GGTA1: variants seen among roughly 807,000 people sequenced by gnomAD.
The protein encoded by GGTA1 is glycoprotein alpha-galactosyltransferase 1 (inactive).
A neutral mutation model predicts 2.6 loss-of-function variants in GGTA1; 5 were observed. The ratio of observed to expected loss-of-function variants is 1.92; its 90% CI spans 1.00 to 4.04. The LOEUF (loss-of-function observed/expected upper bound fraction) is 4.04. Among genes scored for constraint, GGTA1 ranks in the 30% most tolerant of loss-of-function variants. GGTA1 has a pLI of 0.00. For missense variants in GGTA1, 50 were observed against 16.7 expected, an observed-to-expected ratio of 2.99 and a Z score of -3.47; for synonymous variants, 17 against 5.0, an observed-to-expected ratio of 3.38 and a Z score of -3.19.
chr9:121,486,801 A>G (rs1828764635), intron 1 of GGTA1, among the ~76,000 whole-genome samples: 1 of 152,248 alleles, frequency 6.6e-6, no homozygotes, highest in African/African-American at 2.4e-5. Flanking sequence ...GAATATGTCC[A>G]GCATGAGTAA....
At position 121,448,850 on chromosome 9, in the gene GGTA1, G is replaced by A. The variant is rs377557699; in HGVS notation, c.*119-1253C>T. On this transcript the variant is annotated intron_variant and NMD_transcript_variant, in intron 7 of 7. Coordinates refer to the GGTA1 transcript ENST00000481534. Reference sequence around the variant, plus strand: ...ACCCAACATCCATAGTTTACATTAGGGTTCACTCTTGGTGTGGTACATTCT... The same window carrying A: ...ACCCAACATCCATAGTTTACATTAGAGTTCACTCTTGGTGTGGTACATTCT... Among the ~76,000 whole-genome samples, 4 of 152,146 alleles carry A rather than the reference G, an allele frequency of 2.6e-5. No individual in the cohort carries two copies. In the South Asian group the frequency reaches 8.3e-4, roughly 32 times the overall value.
At chr9:121,475,261 C>T (rs1828483768) in intron 1 of GGTA1, among the ~76,000 whole-genome samples, 1 of 152,166 alleles carries the variant, frequency 6.6e-6, no homozygotes, top group African/African-American at 2.4e-5. Context: ...TTTACAAATA[C>T]CATGGCAATG....
rs148763372 is a variant in GGTA1 at position 121,459,343 on chromosome 9, A to T, written c.298+761T>A. On this transcript the variant is annotated intron_variant, in intron 5 of 5. Coordinates refer to ENST00000481799, the MANE Select transcript of GGTA1 (RefSeq NM_001382585.1). ...GTGGTGGCGCACACCAAGCCTCCTTACTCAGGAGGCTAAGCCTGGGAGGTC... is the reference window on the plus strand; with the variant it reads ...GTGGTGGCGCACACCAAGCCTCCTTTCTCAGGAGGCTAAGCCTGGGAGGTC... Among the ~76,000 whole-genome samples, 747 of 152,204 alleles carry T rather than the reference A, an allele frequency of 4.9e-3. 7 individuals are homozygous for T. Among genetic ancestry groups the T allele is most frequent in the African/African-American group, 0.017 (695 of 41,550 alleles).
intron 1 of GGTA1, among the ~76,000 whole-genome samples, chr9:121,498,190 C>G (rs1413927163): frequency 6.6e-6 from 1 of 152,238 alleles, no homozygotes; most frequent in Non-Finnish European, 1.5e-5. Flanking sequence ...TTCCCCTCCC[C>G]TACCATGGTG....
intron 5 of GGTA1, among the ~76,000 whole-genome samples, chr9:121,458,917 C>T (rs373448322): frequency 3.1e-4 from 47 of 152,252 alleles, no homozygotes; most frequent in South Asian, 1.9e-3. Context: ...CTGTCCCTGG[C>T]GGAGTCTCAT....
intron 1 of GGTA1, among the ~76,000 whole-genome samples, chr9:121,481,699 AAAAAG>A (rs1828655719): frequency 6.7e-6 from 1 of 150,150 alleles, no homozygotes; most frequent in Non-Finnish European, 1.5e-5. Flanking sequence ...AAAAAAAAAA[AAAAAG>A]AATAAAAAGT....
At chr9:121,448,703 CAG>C (rs1348368466) in intron 7 of GGTA1, among the ~76,000 whole-genome samples, 1 of 152,120 alleles carries the variant, frequency 6.6e-6, no homozygotes, top group Non-Finnish European at 1.5e-5. Context: ...GCCAAAAGTA[CAG>C]AGTTCTCATA....
At chr9:121,471,534 T>C (rs979002309) in intron 1 of GGTA1, among the ~76,000 whole-genome samples, 4 of 152,218 alleles carry the variant, frequency 2.6e-5, no homozygotes, top group African/African-American at 9.6e-5. Flanking sequence ...TCTCATATCT[T>C]ACAAACCCTT....
At chr9:121,487,102 G>A (rs1053497354) in intron 1 of GGTA1, among the ~76,000 whole-genome samples, 6 of 152,148 alleles carry the variant, frequency 3.9e-5, no homozygotes, top group South Asian at 2.1e-4. Flanking sequence ...CCAGGTTGTC[G>A]GGCACACAGA....
intron 1 of GGTA1, among the ~76,000 whole-genome samples, chr9:121,488,536 G>A (rs549034313): frequency 1.8e-4 from 27 of 152,172 alleles, no homozygotes; most frequent in Non-Finnish European, 3.1e-4. Context: ...CCAACATGGT[G>A]AAACCCTGTC....
chr9:121,451,814 T>A (rs1345436320), downstream of GGTA1, among the ~76,000 whole-genome samples: 2 of 152,162 alleles, frequency 1.3e-5, no homozygotes, highest in Non-Finnish European at 1.5e-5. Context: ...CTAGCACTTG[T>A]GGAATTTCTA....
chr9:121,447,770 A>G (rs2064858924), intron 7 of GGTA1, among the ~76,000 whole-genome samples: 1 of 151,856 alleles, frequency 6.6e-6, no homozygotes, highest in African/African-American at 2.4e-5. Flanking sequence ...TAGGAGAATG[A>G]TTTCTCCTAC....
chr9:121,498,468 C>T (rs554135165), intron 1 of GGTA1, among the ~76,000 whole-genome samples: 27 of 152,350 alleles, frequency 1.8e-4, no homozygotes, highest in African/African-American at 6.5e-4. Flanking sequence ...ACCCCCCACT[C>T]CCAGAGCCCT....
At chr9:121,484,486 G>T (rs1828715851) in intron 1 of GGTA1, among the ~76,000 whole-genome samples, 1 of 152,060 alleles carries the variant, frequency 6.6e-6, no homozygotes, top group South Asian at 2.1e-4. Flanking sequence ...GTTTCACCAT[G>T]TTGGTCAGGC....
intron 1 of GGTA1, among the ~76,000 whole-genome samples, chr9:121,494,004 G>A (rs1206015575): frequency 5.3e-5 from 8 of 151,972 alleles, no homozygotes; most frequent in Non-Finnish European, 8.8e-5. Context: ...TGATCTGCCC[G>A]CCTTGGCCTC....
At chr9:121,461,824 T>C (rs1016794669) in intron 3 of GGTA1, among the ~76,000 whole-genome samples, 1 of 152,208 alleles carries the variant, frequency 6.6e-6, no homozygotes, top group African/African-American at 2.4e-5. Context: ...GAAAAACCGA[T>C]GCATGTTTCC....
intron 3 of GGTA1, among the ~76,000 whole-genome samples, chr9:121,461,967 C>T (rs936804303): frequency 6.6e-6 from 1 of 152,240 alleles, no homozygotes; most frequent in Non-Finnish European, 1.5e-5. Context: ...CAGGAAACTA[C>T]TTAGAAGCCA....
intron 1 of GGTA1, among the ~76,000 whole-genome samples, chr9:121,482,010 A>G (rs1828664232): frequency 6.6e-6 from 1 of 151,242 alleles, no homozygotes; most frequent in Admixed American, 6.6e-5. Context: ...AAAAAAAAAA[A>G]GAATAAAAAG....
intron 2 of GGTA1, among the ~76,000 whole-genome samples, chr9:121,464,110 A>G (rs2064984061): frequency 6.6e-6 from 1 of 152,210 alleles, no homozygotes; most frequent in South Asian, 2.1e-4. Flanking sequence ...GAATCCTTCA[A>G]CAGCACAATG....
Sources: allele counts gnomAD v4.1 joint callset (sites outside exome capture counted in the v4.1 genomes callset), GRCh38; gene constraint gnomAD v4.1.1; transcripts MANE v1.5; gene names NCBI Gene and HGNC (gene_info 2026-07-23, HGNC 2026-07-21).